The following PLOD3 variants were observed in gnomAD, a reference collection of about 807,000 sequenced individuals.
PLOD3 encodes multifunctional procollagen lysine hydroxylase and glycosyltransferase LH3.
Under a neutral mutation model 96.9 loss-of-function variants are expected in PLOD3, and 73 were observed. That is an observed-to-expected ratio of 0.75 (90% confidence interval 0.62 to 0.92). The LOEUF (loss-of-function observed/expected upper bound fraction) is 0.92. PLOD3 is among the 40% of genes least tolerant of loss of function. PLOD3 has a pLI of 0.00. For missense variants in PLOD3, 1,004 were observed against 1,004.3 expected (o/e 1.00, Z 0.00); for synonymous variants, 454 against 413.7 (o/e 1.10, Z -1.18).
chr7:101,211,073 G>A (rs1056972849), intron 12 of PLOD3: 2 of 254,862 alleles, frequency 7.8e-6, no homozygotes, highest in Admixed American at 5.1e-5. Context: ...TAGAGATGGG[G>A]TTTCACCATG....
intron 15 of PLOD3, among the ~76,000 whole-genome samples, chr7:101,209,499 T>TC (rs1220615563): frequency 5.9e-4 from 89 of 149,626 alleles, no homozygotes; most frequent in African/African-American, 2.2e-3. Flanking sequence ...CACCTCAGCC[T>TC]CCCGAGTAGC....
intron 13 of PLOD3, 39 bp from the exon 14 acceptor site, chr7:101,210,483 C>G: frequency 6.2e-7 from 1 of 1,614,050 alleles, no homozygotes; most frequent in Middle Eastern, 1.6e-4. Context: ...CAGGCGATGC[C>G]TGGAGTCTGG....
Position 101,217,482 on chromosome 7 carries a change from A to T in PLOD3, c.-208T>A. The stretch of plus-strand genomic sequence containing the variant: ...AGATGCCGGCGCCACAGACAAGGCG[A>T]GGATTGTCCCGGGCGCACGGGAGGC... On this transcript the variant is annotated 5_prime_UTR_variant, in exon 1 of 19. Transcript: ENST00000223127. The T allele has an allele frequency of 8.4e-6, 4 of 474,186 alleles. No individual in the cohort carries two copies. Among genetic ancestry groups the T allele is most frequent in the East Asian group, 3.9e-5 (1 of 25,756 alleles). 29.4% of individuals were successfully genotyped at this position (474,186 alleles called of 1,614,324 possible). A position where few individuals can be genotyped will look rare whatever the true frequency, so the allele number is the denominator to read the frequency against.
chr7:101,211,345 A>C, intron 12 of PLOD3: 5 of 471,642 alleles, frequency 1.1e-5, no homozygotes, highest in Non-Finnish European at 1.5e-5. Context: ...GTGCCCAGCT[A>C]ATATTTTAAG....
intron 1 of PLOD3, 43 bp downstream of exon 1, chr7:101,217,123 G>A: frequency 7.0e-7 from 1 of 1,438,336 alleles, no homozygotes; most frequent in Non-Finnish European, 9.1e-7. Flanking sequence ...AGGCACGCCA[G>A]CCTCTGCCCC....
rs1292783369 is a variant in PLOD3, at chr7:101,216,148, C to T, written c.502+15G>A. On this transcript the variant is annotated intron_variant, in intron 4 of 18. Transcript: ENST00000223127. Reference sequence around the variant, plus strand: ...CCGCTCTTGGCCCCTCTGCCTTGGGCACTCTGCCACTCACCACCAGAATTG... The same window carrying T: ...CCGCTCTTGGCCCCTCTGCCTTGGGTACTCTGCCACTCACCACCAGAATTG... 3 of 1,614,040 alleles carry T rather than the reference C, an allele frequency of 1.9e-6. No individual in the cohort carries two copies. The highest frequency in any genetic ancestry group is 2.2e-5 in the South Asian group (2 of 91,080).
Position 101,207,785 on chromosome 7 carries a change from C to A in PLOD3, c.1789-61G>T, listed in dbSNP as rs1346958883. ...AGCCATGGCGCTCCCCACCCCAGGG[C>A]AGTCCAGCCTCCTTCCTCCCGTCCT... is the stretch of plus-strand genomic sequence containing the variant. On this transcript the variant is annotated intron_variant, in intron 16 of 18. Transcript: ENST00000223127. 1.9e-6 allele frequency: 3 copies of A among 1,589,260 alleles called. No homozygotes were observed. In the Admixed American group the frequency reaches 5.0e-5, roughly 27 times the overall value.
chr7:101,207,477 A>G, intron 17 of PLOD3, 101 bp downstream of exon 17: 1 of 1,266,178 alleles, frequency 7.9e-7, no homozygotes, highest in Non-Finnish European at 1.1e-6. Context: ...AAATGCATGG[A>G]GCCCAAATGC....
rs765917145 is a variant in PLOD3, at chr7:101,211,660, C to A, written c.1289G>T (p.Gly430Val). 6.2e-7 allele frequency: 1 copy of A among 1,607,350 alleles called. No homozygotes were observed. The highest frequency in any genetic ancestry group is 8.5e-7 in the Non-Finnish European group (1 of 1,177,550). ...GTAGTACTCATCGGGGCTCAGGGCGCCCCAGAAGTTGGACCACAGCTTGCC... is the reference window on the plus strand; with the variant it reads ...GTAGTACTCATCGGGGCTCAGGGCGACCCAGAAGTTGGACCACAGCTTGCC... Reference protein sequence around the residue: ...RHGKLWSNFWGALSPDEYYAR... With the variant: ...RHGKLWSNFWVALSPDEYYAR... The change falls in exon 12 of 19, where the codon GGC (glycine) becomes GTC (valine). Residue 430 changes from glycine to valine, a missense_variant. Transcript: ENST00000223127.
At chr7:101,209,861 G>A in intron 15 of PLOD3, 1 of 499,794 alleles carries the variant, frequency 2.0e-6, no homozygotes, top group Non-Finnish European at 3.5e-6. Flanking sequence ...TTTAAGATGT[G>A]ATTTCAAGCA....
rs769989629 is a variant in PLOD3, at chr7:101,216,270, C to T, written c.395G>A (p.Ser132Asn). Residue 132 changes from serine to asparagine, a missense_variant, in exon 4 of 19, where the codon AGT (serine) becomes AAT (asparagine). This residue lies in a region of PLOD3 where 690 missense variants were observed against 650.2 expected (regional missense o/e 1.06). Transcript: ENST00000223127. ...TGCAGAGAAGAGCAGGCGGCTGCCACTCTGGACGAACTTCTTCAGCAGCTC... is the reference window on the plus strand; with the variant it reads ...TGCAGAGAAGAGCAGGCGGCTGCCATTCTGGACGAACTTCTTCAGCAGCTC... ...PTELLKKFVQ[S>N]GSRLLFSAES... is the part of the protein sequence containing the mutation. 3 of 1,613,664 alleles carry T rather than the reference C, an allele frequency of 1.9e-6. No homozygotes were observed. In the South Asian group the frequency reaches 3.3e-5, roughly 18 times the overall value.
chr7:101,209,066 G>A, intron 15 of PLOD3, 109 bp from the exon 16 acceptor site: 1 of 836,068 alleles, frequency 1.2e-6, no homozygotes, highest in South Asian at 1.4e-5. Flanking sequence ...AAGGCTTTGT[G>A]AGAGCAGCCG....
At position 101,216,100 on chromosome 7, in the gene PLOD3, C is replaced by T. The variant is rs905217186; in HGVS notation, c.502+63G>A. 2.1e-5 allele frequency: 34 copies of T among 1,610,540 alleles called. No homozygotes were observed. The South Asian group carries it at 2.6e-4, about 12-fold the overall frequency. On this transcript the variant is annotated intron_variant, in intron 4 of 18. Coordinates refer to ENST00000223127, the MANE Select transcript of PLOD3 (RefSeq NM_001084.5). ...CCCCAGGCTGTCTCCAGCCCTCAGG[C>T]GCCTTTAACACTCTGTGTCCCACCG...
chr7:101,207,486 G>T, intron 17 of PLOD3, 92 bp downstream of exon 17: 1 of 1,356,386 alleles, frequency 7.4e-7, no homozygotes. Context: ...GAGCCCAAAT[G>T]CTGCCGGGGC....
At chr7:101,210,045 C>A in intron 15 of PLOD3, 48 bp downstream of exon 15, 1 of 1,137,816 alleles carries the variant, frequency 8.8e-7, no homozygotes, top group East Asian at 2.7e-5. Context: ...CCCCAAGAGG[C>A]GATGGCCATG....
rs5886172 is a variant in PLOD3 at position 101,215,672 on chromosome 7, CT to C, written c.615+235del. Among the ~76,000 whole-genome samples the C allele has an allele frequency of 0.014, 2,177 of 151,504 alleles. 41 individuals carry two copies. The highest frequency in any genetic ancestry group is 0.087 in the East Asian group (450 of 5,162). On this transcript the variant is annotated intron_variant, in intron 5 of 18. Coordinates refer to ENST00000223127, the MANE Select transcript of PLOD3 (RefSeq NM_001084.5). The stretch of plus-strand genomic sequence containing the variant: ...ATGAAGCCTGGCTAATTTTTTCTTT[CT>C]TTTTTTTTGTAGAGATGAGGTCTCA...
chr7:101,215,093 A>G lies in PLOD3; in HGVS notation c.675T>C (p.Ala225=). The G allele has an allele frequency of 6.2e-7, 1 of 1,611,786 alleles. No homozygotes were observed. The change falls in exon 6 of 19, where the codon GCT becomes GCC. Residue 225 remains alanine, a synonymous_variant. Transcript: ENST00000223127. ...KSRIFQNLNG[A]LDEVVLKFDR... ...TGCGGCTGTCTTCCTCCTCACCTAA[A>G]GCCCCGTTGAGGTTCTGAAAGATCC...
intron 6 of PLOD3, chr7:101,213,654 C>T (rs1275365850): frequency 5.3e-6 from 1 of 190,428 alleles, no homozygotes; most frequent in Non-Finnish European, 1.1e-5. Context: ...GTAGCTGAGA[C>T]TATGGGCACA....
chr7:101,212,075 C>T, intron 10 of PLOD3, 125 bp from the exon 11 acceptor site: 1 of 1,048,066 alleles, frequency 9.5e-7, no homozygotes, highest in Non-Finnish European at 1.4e-6. Context: ...AGGCTCTCTG[C>T]TGTCTGGGTG....
Sources: allele counts gnomAD v4.1 joint callset (sites outside exome capture counted in the v4.1 genomes callset), GRCh38; gene constraint gnomAD v4.1.1; regional missense constraint gnomAD v4.1.1; transcripts MANE v1.5; gene names NCBI Gene and HGNC (gene_info 2026-07-23, HGNC 2026-07-21).